Variants in ELP4 observed in about 807,000 individuals in gnomAD.
ELP4 encodes the protein elongator acetyltransferase complex subunit 4.
A neutral mutation model predicts 48.9 loss-of-function variants in ELP4; 51 were observed. That is an observed-to-expected ratio of 1.04 (90% CI 0.83 to 1.32). ELP4 has a LOEUF of 1.32. Among genes scored for constraint, ELP4 ranks in the 40% most tolerant of loss-of-function variants. The pLI, the probability that ELP4 is intolerant of heterozygous loss-of-function variation, is 0.00. For missense variants in ELP4, 519 were observed against 514.6 expected, an observed-to-expected ratio of 1.01 and a Z score of -0.08; for synonymous variants, 210 against 189.2, an observed-to-expected ratio of 1.11 and a Z score of -0.90.
intron 5 of ELP4, among the ~76,000 whole-genome samples, chr11:31,606,851 T>A (rs4922869): frequency 0.61 from 92,887 of 152,112 alleles, 31,940 homozygotes; most frequent in Non-Finnish European, 0.76. Flanking sequence ...GATTAACAAT[T>A]ATATTAACAT....
At chr11:31,635,504 T>C (rs906692191) in intron 7 of ELP4, among the ~76,000 whole-genome samples, 6 of 152,062 alleles carry the variant, frequency 3.9e-5, no homozygotes, top group African/African-American at 1.4e-4. Context: ...TCAACCTAGA[T>C]ACTAGAGTCA....
At chr11:31,647,338 G>A (rs751974346) in intron 7 of ELP4, 7 of 184,650 alleles carry the variant, frequency 3.8e-5, no homozygotes, top group Non-Finnish European at 7.9e-5. Context: ...ACCATCTACT[G>A]CTTCTGAATC....
rs143616787 is a variant in ELP4, at chr11:31,522,026, A to G, written c.259+1935A>G. 8.2e-3 allele frequency among the ~76,000 whole-genome samples: 1,241 copies of G among 152,228 alleles called. 8 individuals carry two copies. The highest frequency in any genetic ancestry group is 0.017 in the Middle Eastern group (5 of 294). ...TAGAGTTTAGTGCCTGAGTATCCAG[A>G]TAGTAGACAATTTTTAATAAAAGCT... On this transcript the variant is annotated intron_variant, in intron 2 of 9. Coordinates refer to ENST00000640961, the MANE Select transcript of ELP4 (RefSeq NM_019040.5).
chr11:31,547,344 A>T lies in ELP4; in HGVS notation c.381+7561A>T, dbSNP rs375500581. ...ACAGAAATACAAACTACCATCAGAG[A>T]ATACTACAAACACCTCTACGCAAAT... On this transcript the variant is annotated intron_variant, in intron 3 of 9. Transcript: ENST00000640961. Among the ~76,000 whole-genome samples, 55 of 152,318 alleles carry T rather than the reference A, an allele frequency of 3.6e-4. 1 individual carries two copies. In the East Asian group the frequency reaches 8.7e-3, roughly 24 times the overall value.
intron 5 of ELP4, among the ~76,000 whole-genome samples, chr11:31,623,169 A>G (rs7931423): frequency 0.29 from 43,929 of 149,814 alleles, 7,063 homozygotes; most frequent in African/African-American, 0.43. Context: ...TCTTTGTTGA[A>G]TGTTTGGAAA....
chr11:31,602,911 T>G (rs1028564916), intron 4 of ELP4, among the ~76,000 whole-genome samples: 18 of 151,890 alleles, frequency 1.2e-4, no homozygotes, highest in African/African-American at 4.3e-4. Context: ...CAATTTTGGA[T>G]AGTGATGTAT....
chr11:31,527,096 T>A (rs1312253450), intron 2 of ELP4, among the ~76,000 whole-genome samples: 1 of 152,096 alleles, frequency 6.6e-6, no homozygotes. Flanking sequence ...TCCTTTTTAA[T>A]GTCTGTTGCA....
intron 9 of ELP4, among the ~76,000 whole-genome samples, chr11:31,688,545 CTG>C: frequency 6.6e-6 from 1 of 152,226 alleles, no homozygotes; most frequent in Non-Finnish European, 1.5e-5. Context: ...GAATACAGTA[CTG>C]TGTCATGTTT....
intron 9 of ELP4, among the ~76,000 whole-genome samples, chr11:31,737,318 T>C (rs534018779): frequency 6.6e-6 from 1 of 151,632 alleles, no homozygotes. Flanking sequence ...GGGCCTGTTG[T>C]GGGGTAGGGG....
At chr11:31,684,969 T>G (rs1393153471) in intron 9 of ELP4, among the ~76,000 whole-genome samples, 1 of 152,210 alleles carries the variant, frequency 6.6e-6, no homozygotes, top group Non-Finnish European at 1.5e-5. Flanking sequence ...TTTCAATATA[T>G]GTACCCACGT....
intron 1 of ELP4, among the ~76,000 whole-genome samples, chr11:31,515,053 A>ATATATATATATATATATATG (rs139261349): frequency 1.3e-5 from 2 of 149,132 alleles, no homozygotes; most frequent in African/African-American, 4.9e-5. Flanking sequence ...ATATATATAT[A>ATATATATATATATATATATG]TATGTATAGG....
intron 7 of ELP4, among the ~76,000 whole-genome samples, chr11:31,635,681 G>A (rs559830201): frequency 1.2e-4 from 18 of 152,096 alleles, no homozygotes; most frequent in African/African-American, 4.1e-4. Flanking sequence ...AAGAGGATTA[G>A]TAATAACATG....
chr11:31,573,366 C>T (rs1474504707), intron 3 of ELP4, among the ~76,000 whole-genome samples: 1 of 152,204 alleles, frequency 6.6e-6, no homozygotes, highest in Non-Finnish European at 1.5e-5. Flanking sequence ...CAGCACCCTA[C>T]TTCTCGGTAT....
chr11:31,657,380 G>GTAAT (rs1289250680), intron 9 of ELP4, among the ~76,000 whole-genome samples: 2 of 151,966 alleles, frequency 1.3e-5, no homozygotes, highest in East Asian at 3.9e-4. Context: ...AATTCTCAGT[G>GTAAT]TAATGTATTT....
intron 7 of ELP4, among the ~76,000 whole-genome samples, chr11:31,637,767 C>G (rs1592180298): frequency 6.6e-6 from 1 of 151,914 alleles, no homozygotes; most frequent in Non-Finnish European, 1.5e-5. Flanking sequence ...CCAAATTATG[C>G]AAACATTTTG....
At chr11:31,576,651 T>A (rs527869276) in intron 3 of ELP4, among the ~76,000 whole-genome samples, 1 of 152,158 alleles carries the variant, frequency 6.6e-6, no homozygotes, top group South Asian at 2.1e-4. Flanking sequence ...TCAAAACCAC[T>A]CAACTGTATG....
chr11:31,600,384 A>G (rs1262141287), intron 4 of ELP4: 1 of 152,072 alleles, frequency 6.6e-6, no homozygotes, highest in Non-Finnish European at 1.5e-5. Flanking sequence ...ACCTACAATG[A>G]CTCCAGCAAT....
chr11:31,695,910 T>C (rs900485021), intron 9 of ELP4, among the ~76,000 whole-genome samples: 12 of 151,782 alleles, frequency 7.9e-5, no homozygotes, highest in African/African-American at 2.9e-4. Context: ...GTGTATGTGT[T>C]GAGGAATTTA....
intron 9 of ELP4, among the ~76,000 whole-genome samples, chr11:31,695,623 T>C (rs1946385865): frequency 6.6e-6 from 1 of 150,618 alleles, no homozygotes; most frequent in African/African-American, 2.4e-5. Context: ...AATTATCTTT[T>C]TTTGTTGTTG....
Sources: gnomAD v4.1 joint callset for allele counts (sites outside exome capture counted in the v4.1 genomes callset) on GRCh38, gnomAD v4.1.1 for gene constraint, MANE v1.5 for transcripts, NCBI Gene and HGNC (gene_info 2026-07-23, HGNC 2026-07-21) for gene names.